HCN3: variants seen among roughly 807,000 people sequenced by gnomAD.
HCN3 encodes hyperpolarization activated cyclic nucleotide gated potassium channel 3.
A neutral mutation model predicts 56.8 loss-of-function variants in HCN3; 36 were observed. That is an observed-to-expected ratio of 0.63 (90% confidence interval 0.49 to 0.84). The LOEUF (loss-of-function observed/expected upper bound fraction) is 0.84. HCN3 is among the 40% of genes least tolerant of loss of function. HCN3 has a pLI of 0.00. For missense variants in HCN3, 930 were observed against 1,079.3 expected (o/e 0.86, Z 1.94); for synonymous variants, 425 against 439.7 (o/e 0.97, Z 0.42).
Position 155,284,810 on chromosome 1 carries a change from G to A in HCN3, c.1089+53G>A, listed in dbSNP as rs1267116180. On this transcript the variant is annotated intron_variant, in intron 4 of 7. Transcript: ENST00000368358. This position sits in a 1 kb window ranked among gnomAD's most constrained non-coding sequence, Gnocchi z 4.3. ...GGCATGGAGGGGTGTTGGAGACTGG[G>A]TAGCCTGACTTGAGGCCCATTCTGA... The A allele has an allele frequency of 6.6e-7, 1 of 1,506,914 alleles. No homozygotes were observed. The allele number at this position is 1,506,914 out of a possible 1,614,324, so 93.3% of individuals were successfully genotyped here. A position where few individuals can be genotyped will look rare whatever the true frequency, so the allele number is the denominator to read the frequency against.
At chr1:155,287,100 A>G in intron 6 of HCN3, 73 bp from the exon 7 acceptor site, 2 of 1,553,220 alleles carry the variant, frequency 1.3e-6, no homozygotes, top group Non-Finnish European at 1.7e-6. Context: ...AGTTGGGTCC[A>G]CTGCTGCAGG....
chr1:155,280,108 G>C (rs191046858), intron 1 of HCN3, among the ~76,000 whole-genome samples: 40 of 151,408 alleles, frequency 2.6e-4, no homozygotes, highest in Admixed American at 2.3e-3. Context: ...CACCACGCCT[G>C]GCTAATTTTT....
At position 155,288,973 on chromosome 1, in the gene HCN3, C is replaced by T. The variant is rs1674418796; in HGVS notation, c.*510C>T. 6.4e-6 allele frequency: 1 copy of T among 157,260 alleles called. No individual in the cohort carries two copies. The highest frequency in any genetic ancestry group is 1.4e-5 in the Non-Finnish European group (1 of 70,928). The allele number at this position is 157,260 out of a possible 1,614,324, so 9.7% of individuals were successfully genotyped here. On this transcript the variant is annotated 3_prime_UTR_variant, in exon 8 of 8. Transcript: ENST00000368358. The surrounding 1 kb of genome is among the most constrained non-coding windows in gnomAD (Gnocchi z 6.5). ...CCAGGCACTGCCAGTCACCTGTGCCCCCATTGCTGTCAGCAGATGTCTTGG... is the reference window on the plus strand; with the variant it reads ...CCAGGCACTGCCAGTCACCTGTGCCTCCATTGCTGTCAGCAGATGTCTTGG...
Position 155,285,267 on chromosome 1 carries a change from G to A in HCN3, c.1192G>A (p.Asp398Asn), listed in dbSNP as rs200186877. The A allele has an allele frequency of 1.5e-4, 249 of 1,614,094 alleles. 2 individuals carry two copies. In the East Asian group the frequency reaches 5.4e-3, roughly 35 times the overall value. Reference protein sequence around the residue: ...YEHRYQGKMFDEESILGELSE... With the variant: ...YEHRYQGKMFNEESILGELSE... ...GCACCGCTACCAGGGCAAGATGTTCGATGAGGAAAGCATCCTGGGCGAGCT... is the reference window on the plus strand; with the variant it reads ...GCACCGCTACCAGGGCAAGATGTTCAATGAGGAAAGCATCCTGGGCGAGCT... The change falls in exon 5 of 8, where the codon GAT becomes AAT. Residue 398 changes from aspartate (D) to asparagine (N), a missense_variant. Transcript: ENST00000368358. This position sits in a 1 kb window ranked among gnomAD's most constrained non-coding sequence, Gnocchi z 4.5.
intron 6 of HCN3, 69 bp from the exon 7 acceptor site, chr1:155,287,104 C>CT: frequency 6.4e-7 from 1 of 1,571,732 alleles, no homozygotes; most frequent in Non-Finnish European, 8.6e-7. Context: ...GGGTCCACTG[C>CT]TGCAGGCTCA....
At position 155,285,933 on chromosome 1, in the gene HCN3, C is replaced by A. The variant is rs1481013353; in HGVS notation, c.1446C>A (p.Asp482Glu). The A allele has an allele frequency of 6.2e-7, 1 of 1,600,528 alleles. No individual in the cohort carries two copies. Among genetic ancestry groups the A allele is most frequent in the Non-Finnish European group, 8.5e-7 (1 of 1,170,122 alleles). Reference sequence around the variant, plus strand: ...GTGTGCTGGCCCGCGGCGCCCGGGACACACGCCTCACCGATGGATCCTACT... The same window carrying A: ...GTGTGCTGGCCCGCGGCGCCCGGGAAACACGCCTCACCGATGGATCCTACT... ...LLSVLARGARDTRLTDGSYFG... is the reference protein window; with the variant it reads ...LLSVLARGARETRLTDGSYFG... Residue 482 changes from aspartate to glutamate, a missense_variant, in exon 6 of 8, where the codon GAC becomes GAA. Coordinates refer to ENST00000368358, the MANE Select transcript of HCN3 (RefSeq NM_020897.3). This position sits in a 1 kb window ranked among gnomAD's most constrained non-coding sequence, Gnocchi z 4.5.
intron 6 of HCN3, among the ~76,000 whole-genome samples, chr1:155,286,246 C>T (rs1273374694): frequency 2.6e-5 from 4 of 152,106 alleles, no homozygotes; most frequent in Non-Finnish European, 5.9e-5. Context: ...CCTGGGTTCA[C>T]GCCATTCTCC....
At chr1:155,283,931 G>A (rs1048380347) in intron 2 of HCN3, 43 bp from the exon 3 acceptor site, 21 of 1,586,884 alleles carry the variant, frequency 1.3e-5, no homozygotes, top group Non-Finnish European at 1.7e-5. Flanking sequence ...GGACAAGCAG[G>A]GAGGGGTTCC....
In HCN3 at chr1:155,282,824, T is replaced by C. The variant is rs1372608684; in HGVS notation, c.692T>C (p.Ile231Thr). The C allele has an allele frequency of 2.2e-6, 3 of 1,389,638 alleles. No homozygotes were observed. Among genetic ancestry groups the C allele is most frequent in the East Asian group, 4.2e-5 (1 of 23,992 alleles). The allele number at this position is 1,389,638 out of a possible 1,614,324, so 86.1% of individuals were successfully genotyped here. ...CGCCTCTCCCGCCTCATCCGCTACATACACCAGTGGGAGGAGGTGGGGTGG... is the reference window on the plus strand; with the variant it reads ...CGCCTCTCCCGCCTCATCCGCTACACACACCAGTGGGAGGAGGTGGGGTGG... ...LLRLSRLIRY[I>T]HQWEEIFHMT... is the part of the protein sequence containing the mutation. The change falls in exon 2 of 8, where the codon ATA becomes ACA. Residue 231 changes from isoleucine (I) to threonine (T), a missense_variant. Transcript: ENST00000368358. The surrounding 1 kb of genome is among the most constrained non-coding windows in gnomAD (Gnocchi z 4.7).
At position 155,285,392 on chromosome 1, in the gene HCN3, G is replaced by A. The variant is rs1433534379; in HGVS notation, c.1236+81G>A. 19 of 1,549,534 alleles carry A rather than the reference G, an allele frequency of 1.2e-5. No homozygotes were observed. Among genetic ancestry groups the A allele is most frequent in the Non-Finnish European group, 1.7e-5 (19 of 1,142,154 alleles). ...GGTGGTAGGGGCTATTGGTCAGCAG[G>A]TGCTCCTATAGGGAATGAGGCCTGC... On this transcript the variant is annotated intron_variant, in intron 5 of 7. Transcript: ENST00000368358. This position sits in a 1 kb window ranked among gnomAD's most constrained non-coding sequence, Gnocchi z 4.5.
chr1:155,277,829 C>A lies in HCN3; in HGVS notation c.239C>A (p.Ser80Ter). ...GAAATCGAGCAGGAGCGGGTGAAGTCAGCGGGGGCCTGGATCATCCACCCC... is the reference window on the plus strand; with the variant it reads ...GAAATCGAGCAGGAGCGGGTGAAGTAAGCGGGGGCCTGGATCATCCACCCC... Reference protein sequence around the residue: ...AVEIEQERVKSAGAWIIHPYS... With the variant: ...AVEIEQERVK The change falls in exon 1 of 8, where the codon TCA becomes TAA. Residue 80 changes from serine (S) to a stop codon, truncating the protein, a stop_gained. Coordinates refer to ENST00000368358, the MANE Select transcript of HCN3 (RefSeq NM_020897.3). LOFTEE classifies it high-confidence loss of function. 6.2e-7 allele frequency: 1 copy of A among 1,612,300 alleles called. No individual in the cohort carries two copies. Among genetic ancestry groups the A allele is most frequent in the East Asian group, 2.2e-5 (1 of 44,884 alleles).
chr1:155,277,477 G>A lies in HCN3; in HGVS notation c.-114G>A. 7.6e-7 allele frequency: 1 copy of A among 1,310,330 alleles called. No individual in the cohort carries two copies. The highest frequency in any genetic ancestry group is 1.0e-6 in the Non-Finnish European group (1 of 985,724). 81.2% of individuals were successfully genotyped at this position (1,310,330 alleles called of 1,614,324 possible). A position where few individuals can be genotyped will look rare whatever the true frequency, so the allele number is the denominator to read the frequency against. Reference sequence around the variant, plus strand: ...CGCGCGCCGGCGATTCCGAGCCTACGACGCCTCCGCTAGAGCCCGCGGGGC... The same window carrying A: ...CGCGCGCCGGCGATTCCGAGCCTACAACGCCTCCGCTAGAGCCCGCGGGGC... On this transcript the variant is annotated 5_prime_UTR_variant, in exon 1 of 8. Coordinates refer to ENST00000368358, the MANE Select transcript of HCN3 (RefSeq NM_020897.3).
At chr1:155,279,411 G>A (rs1444698931) in intron 1 of HCN3, among the ~76,000 whole-genome samples, 1 of 152,222 alleles carries the variant, frequency 6.6e-6, no homozygotes, top group Non-Finnish European at 1.5e-5. Context: ...GCCAGAGGAG[G>A]AAAGGTATGC....
In HCN3 at chr1:155,284,481, C is replaced by A. The variant is rs1674196196; in HGVS notation, c.871-58C>A. 2 of 1,511,154 alleles carry A rather than the reference C, an allele frequency of 1.3e-6. No individual in the cohort carries two copies. Among genetic ancestry groups the A allele is most frequent in the Non-Finnish European group, 1.8e-6 (2 of 1,107,666 alleles). 93.6% of individuals were successfully genotyped at this position (1,511,154 alleles called of 1,614,324 possible). A position where few individuals can be genotyped will look rare whatever the true frequency, so the allele number is the denominator to read the frequency against. ...AGACCAAAGAAGGAAAAGGGGCAGG[C>A]AGAGAATGAGGCTCCGAGGGGCCCA... is the stretch of plus-strand genomic sequence containing the variant. On this transcript the variant is annotated intron_variant, in intron 3 of 7. Coordinates refer to ENST00000368358, the MANE Select transcript of HCN3 (RefSeq NM_020897.3). The surrounding 1 kb of genome is among the most constrained non-coding windows in gnomAD (Gnocchi z 4.3).
At chr1:155,286,684 A>C (rs1674299042) in intron 6 of HCN3, among the ~76,000 whole-genome samples, 1 of 152,134 alleles carries the variant, frequency 6.6e-6, no homozygotes, top group South Asian at 2.1e-4. Flanking sequence ...CCACTGCCCA[A>C]AGTGACCTGA....
intron 1 of HCN3, among the ~76,000 whole-genome samples, chr1:155,281,568 C>T (rs772860314): frequency 2.6e-5 from 4 of 151,852 alleles, no homozygotes; most frequent in African/African-American, 4.8e-5. Flanking sequence ...GAGGTTTTGC[C>T]ATGTTGGCCA....
rs575060412 is a variant in HCN3, at chr1:155,285,302, G to A, written c.1227G>A (p.Pro409=). 33 of 1,613,656 alleles carry A rather than the reference G, an allele frequency of 2.0e-5. No individual in the cohort carries two copies. Among genetic ancestry groups the A allele is most frequent in the South Asian group, 7.7e-5 (7 of 91,018 alleles). The change falls in exon 5 of 8, where the codon CCG becomes CCA. Residue 409 remains proline, a synonymous_variant. Coordinates refer to ENST00000368358, the MANE Select transcript of HCN3 (RefSeq NM_020897.3). This position sits in a 1 kb window ranked among gnomAD's most constrained non-coding sequence, Gnocchi z 4.5. ...GCATCCTGGGCGAGCTGAGCGAGCCGCTTCGCGAGGTGGGGCTGGGTTGGG... is the reference window on the plus strand; with the variant it reads ...GCATCCTGGGCGAGCTGAGCGAGCCACTTCGCGAGGTGGGGCTGGGTTGGG... ...EESILGELSE[P]LREEIINFTC...
chr1:155,284,849 TG>T lies in HCN3; in HGVS notation c.1089+93del, dbSNP rs1674212057. On this transcript the variant is annotated intron_variant, in intron 4 of 7. Coordinates refer to ENST00000368358, the MANE Select transcript of HCN3 (RefSeq NM_020897.3). The surrounding 1 kb of genome is among the most constrained non-coding windows in gnomAD (Gnocchi z 4.3). The stretch of plus-strand genomic sequence containing the variant: ...GGCCCATTCTGATGTGTGCCCCTGT[TG>T]CGTCTCTGTTTCCTTTCCTGCCCTG... 1 of 1,160,036 alleles carries T rather than the reference TG, an allele frequency of 8.6e-7. No individual in the cohort carries two copies. The highest frequency in any genetic ancestry group is 1.5e-5 in the African/African-American group (1 of 65,198). 71.9% of individuals were successfully genotyped at this position (1,160,036 alleles called of 1,614,324 possible).
chr1:155,280,196 C>T (rs1019257152), intron 1 of HCN3, among the ~76,000 whole-genome samples: 3 of 152,048 alleles, frequency 2.0e-5, no homozygotes, highest in East Asian at 1.9e-4. Context: ...CCACCCACCT[C>T]AGCCTCCCAA....
Sources: allele counts gnomAD v4.1 joint callset (sites outside exome capture counted in the v4.1 genomes callset), GRCh38; gene constraint gnomAD v4.1.1; non-coding constraint Gnocchi (gnomAD v3.1); transcripts MANE v1.5; gene names NCBI Gene and HGNC (gene_info 2026-07-23, HGNC 2026-07-21).